The following SPPL3 variants were observed in gnomAD, a reference collection of about 807,000 sequenced individuals.
The protein encoded by SPPL3 is signal peptide peptidase-like 3.
Under a neutral mutation model 42.4 loss-of-function variants are expected in SPPL3, and 5 were observed. The observed-to-expected ratio is 0.12, with a 90% CI of 0.06 to 0.25. The LOEUF (loss-of-function observed/expected upper bound fraction) is 0.25. SPPL3 is among the 10% of genes least tolerant of loss of function. SPPL3 has a pLI of 1.00. For missense variants in SPPL3, 235 were observed against 489.0 expected (o/e 0.48, Z 4.90); for synonymous variants, 195 against 181.8 (o/e 1.07, Z -0.58).
intron 1 of SPPL3, among the ~76,000 whole-genome samples, chr12:120,839,900 CA>C (rs1346448457): frequency 6.6e-6 from 1 of 151,848 alleles, no homozygotes; most frequent in Non-Finnish European, 1.5e-5. Flanking sequence ...CACGATAACC[CA>C]AAGGCAGAAA....
chr12:120,857,712 C>T (rs1592998624), intron 1 of SPPL3, among the ~76,000 whole-genome samples: 1 of 152,144 alleles, frequency 6.6e-6, no homozygotes, highest in South Asian at 2.1e-4. Flanking sequence ...CAAACTAACA[C>T]AGGAACAGAA....
rs1328915601 is a variant in SPPL3, at chr12:120,768,309, T to C, written c.773+16A>G. 21 of 1,607,450 alleles carry C rather than the reference T, an allele frequency of 1.3e-5. No individual in the cohort carries two copies. The highest frequency in any genetic ancestry group is 5.3e-5 in the African/African-American group (4 of 74,872). On this transcript the variant is annotated intron_variant, in intron 8 of 10. Coordinates refer to ENST00000353487, the MANE Select transcript of SPPL3 (RefSeq NM_139015.5). ...ACAGGAAGACAGTGTGGTCCTGTCA[T>C]AGCATGAGGTCTTACCTTGGGAAGA... is the stretch of plus-strand genomic sequence containing the variant.
At chr12:120,837,004 T>G (rs563198601) in intron 1 of SPPL3, among the ~76,000 whole-genome samples, 1 of 152,286 alleles carries the variant, frequency 6.6e-6, no homozygotes, top group East Asian at 1.9e-4. Flanking sequence ...TTTTTGTAAC[T>G]GCATGTGAAT....
chr12:120,764,792 C>T lies in SPPL3; in HGVS notation c.*207G>A. The T allele has an allele frequency of 1.8e-6, 1 of 558,122 alleles. No homozygotes were observed. Among genetic ancestry groups the T allele is most frequent in the African/African-American group, 1.9e-5 (1 of 52,414 alleles). 34.6% of individuals were successfully genotyped at this position (558,122 alleles called of 1,614,324 possible). The stretch of plus-strand genomic sequence containing the variant: ...GTCCCTCTTGGAAGGGGCCCCACCT[C>T]TACATCCGCAGGAAGAGAAGGAACC... On this transcript the variant is annotated 3_prime_UTR_variant, in exon 11 of 11. Transcript: ENST00000353487.
chr12:120,823,865 T>C (rs572471620), intron 1 of SPPL3, among the ~76,000 whole-genome samples: 1 of 145,960 alleles, frequency 6.9e-6, no homozygotes, highest in East Asian at 2.0e-4. Context: ...ATTCACTCTA[T>C]CACAAAGACA....
chr12:120,816,403 T>C (rs950676582), intron 1 of SPPL3, among the ~76,000 whole-genome samples: 1 of 152,250 alleles, frequency 6.6e-6, no homozygotes, highest in African/African-American at 2.4e-5. Flanking sequence ...GTTCTAACAA[T>C]TTGGCAAACT....
intron 1 of SPPL3, among the ~76,000 whole-genome samples, chr12:120,877,243 C>T (rs1213433532): frequency 6.6e-6 from 1 of 152,154 alleles, no homozygotes; most frequent in Non-Finnish European, 1.5e-5. Context: ...AATCCTCCCA[C>T]AAAGAAAACT....
intron 2 of SPPL3, among the ~76,000 whole-genome samples, chr12:120,805,737 A>C (rs1379022337): frequency 6.6e-6 from 1 of 152,236 alleles, no homozygotes; most frequent in Non-Finnish European, 1.5e-5. Flanking sequence ...ATCCAAAATG[A>C]AGAAAAAAAT....
chr12:120,903,739 C>G (rs1261342049), intron 1 of SPPL3, 106 bp downstream of exon 1: 7 of 694,132 alleles, frequency 1.0e-5, no homozygotes, highest in South Asian at 6.2e-5. Flanking sequence ...CGCGCCCCCC[C>G]CCCACGACAC....
intron 1 of SPPL3, chr12:120,845,372 T>G (rs952050410): frequency 2.7e-5 from 10 of 365,364 alleles, no homozygotes; most frequent in Non-Finnish European, 5.5e-5. Context: ...CCTCTGTCAG[T>G]GCTGTCCACT....
intron 1 of SPPL3, among the ~76,000 whole-genome samples, chr12:120,892,805 A>AC (rs1210367443): frequency 6.6e-6 from 1 of 151,430 alleles, no homozygotes; most frequent in East Asian, 2.0e-4. Flanking sequence ...ACACGGTGAA[A>AC]CCCCGTCTCT....
chr12:120,837,143 C>T (rs1871647981), intron 1 of SPPL3, among the ~76,000 whole-genome samples: 1 of 152,058 alleles, frequency 6.6e-6, no homozygotes, highest in Admixed American at 6.6e-5. Flanking sequence ...AACTTGTTAG[C>T]TAAGATTTGT....
At chr12:120,836,438 C>A (rs374832855) in intron 1 of SPPL3, among the ~76,000 whole-genome samples, 29 of 152,190 alleles carry the variant, frequency 1.9e-4, no homozygotes, top group African/African-American at 6.7e-4. Context: ...AGCACTTAGA[C>A]ACCTCAACAA....
chr12:120,872,874 C>T (rs886488342), intron 1 of SPPL3, among the ~76,000 whole-genome samples: 1 of 152,162 alleles, frequency 6.6e-6, no homozygotes, highest in African/African-American at 2.4e-5. Context: ...CTGATCCAAA[C>T]ATTACTTATC....
intron 1 of SPPL3, among the ~76,000 whole-genome samples, chr12:120,863,727 G>A (rs1445653416): frequency 6.6e-6 from 1 of 151,128 alleles, no homozygotes; most frequent in Non-Finnish European, 1.5e-5. Context: ...CTGTAGCCTC[G>A]AACTCCTGGG....
intron 1 of SPPL3, among the ~76,000 whole-genome samples, chr12:120,816,459 T>C (rs947015936): frequency 6.6e-6 from 1 of 152,260 alleles, no homozygotes; most frequent in African/African-American, 2.4e-5. Flanking sequence ...TTTTACGATG[T>C]TATTTGAAAT....
chr12:120,789,115 ATGT>A (rs1592962804), intron 3 of SPPL3, among the ~76,000 whole-genome samples: 1 of 152,234 alleles, frequency 6.6e-6, no homozygotes, highest in South Asian at 2.1e-4. Context: ...CACTGAAGAA[ATGT>A]TGTCAAGGAT....
At chr12:120,845,847 C>T (rs1286412960) in intron 1 of SPPL3, among the ~76,000 whole-genome samples, 1 of 149,986 alleles carries the variant, frequency 6.7e-6, no homozygotes, top group African/African-American at 2.5e-5. Flanking sequence ...ATTTTAATTG[C>T]TTAGAATCCA....
chr12:120,840,975 A>G (rs1473800965), intron 1 of SPPL3, among the ~76,000 whole-genome samples: 1 of 152,026 alleles, frequency 6.6e-6, no homozygotes, highest in Non-Finnish European at 1.5e-5. Context: ...TAAATAAATA[A>G]CCATAGAATT....
Sources: gnomAD v4.1 joint callset for allele counts (sites outside exome capture counted in the v4.1 genomes callset) on GRCh38, gnomAD v4.1.1 for gene constraint, MANE v1.5 for transcripts, NCBI Gene and HGNC (gene_info 2026-07-23, HGNC 2026-07-21) for gene names.